SOX5: variants seen among roughly 807,000 people sequenced by gnomAD.
SOX5 encodes transcription factor SOX-5.
Under a neutral mutation model 92.0 loss-of-function variants are expected in SOX5, and 9 were observed. That is an observed-to-expected ratio of 0.10 (90% CI 0.06 to 0.17). The LOEUF (loss-of-function observed/expected upper bound fraction) is 0.17. Ranked by LOEUF, SOX5 falls within the 10% of genes least tolerant of loss-of-function variation. The pLI, the probability that SOX5 is intolerant of heterozygous loss-of-function variation, is 1.00. For synonymous variants in SOX5, 344 were observed against 336.3 expected (o/e 1.02, Z -0.25); for missense variants, 642 against 944.5 (o/e 0.68, Z 4.20).
At chr12:24,052,612 A>T (rs1017002268) in intron 4 of SOX5, among the ~76,000 whole-genome samples, 6 of 152,180 alleles carry the variant, frequency 3.9e-5, no homozygotes, top group African/African-American at 9.6e-5. Context: ...TGTCAGAATT[A>T]TTAGGATTTA....
chr12:23,580,852 T>TA (rs749108551), intron 9 of SOX5, among the ~76,000 whole-genome samples: 1 of 152,006 alleles, frequency 6.6e-6, no homozygotes, highest in Non-Finnish European at 1.5e-5. Flanking sequence ...TGCAACAGAT[T>TA]AAAAAACCAT....
intron 3 of SOX5, among the ~76,000 whole-genome samples, chr12:23,759,042 C>CACACACACACACACAT (rs1286897893): frequency 3.3e-5 from 5 of 149,340 alleles, no homozygotes; most frequent in African/African-American, 1.3e-4. Context: ...CACACACACA[C>CACACACACACACACAT]ACACACACAC....
At chr12:23,705,635 T>A (rs536246621) in intron 6 of SOX5, among the ~76,000 whole-genome samples, 1 of 152,156 alleles carries the variant, frequency 6.6e-6, no homozygotes, top group South Asian at 2.1e-4. Context: ...CTACCAGGCA[T>A]CTTTATACTT....
chr12:24,315,896 C>T (rs1027650331), intron 2 of SOX5, among the ~76,000 whole-genome samples: 16 of 152,214 alleles, frequency 1.1e-4, no homozygotes, highest in Admixed American at 1.0e-3. Context: ...AATATCTGTT[C>T]AACTAACTCA....
chr12:23,768,479 A>G (rs1473432135), intron 3 of SOX5, among the ~76,000 whole-genome samples: 4 of 152,214 alleles, frequency 2.6e-5, no homozygotes, highest in Admixed American at 1.3e-4. Flanking sequence ...GAAAGCTTCA[A>G]AAAAACTTCA....
chr12:23,544,330 A>G (rs914051176), intron 12 of SOX5, among the ~76,000 whole-genome samples: 2 of 152,228 alleles, frequency 1.3e-5, no homozygotes, highest in Non-Finnish European at 2.9e-5. Context: ...AAGAGAAAAT[A>G]AGGAGAACCA....
chr12:24,406,300 C>A (rs543438902), intron 1 of SOX5, among the ~76,000 whole-genome samples: 1 of 152,118 alleles, frequency 6.6e-6, no homozygotes, highest in Admixed American at 6.5e-5. Context: ...AAGGAGAAGC[C>A]CTGCCCAAGT....
intron 4 of SOX5, among the ~76,000 whole-genome samples, chr12:24,141,481 G>A (rs1324811216): frequency 6.6e-6 from 1 of 152,164 alleles, no homozygotes. Flanking sequence ...GTAGTATGAA[G>A]AAAGATTTGG....
chr12:24,094,284 C>G (rs1469997971), intron 4 of SOX5, among the ~76,000 whole-genome samples: 1 of 152,128 alleles, frequency 6.6e-6, no homozygotes, highest in Non-Finnish European at 1.5e-5. Context: ...TCTGTCATAG[C>G]TAAAGTTGCA....
At chr12:24,165,780 GA>G (rs1953331642) in intron 4 of SOX5, among the ~76,000 whole-genome samples, 1 of 152,066 alleles carries the variant, frequency 6.6e-6, no homozygotes, top group South Asian at 2.1e-4. Context: ...AAGGGCTGTA[GA>G]AGATCATCTT....
chr12:23,688,673 T>C (rs2139981169), intron 6 of SOX5, among the ~76,000 whole-genome samples: 1 of 152,212 alleles, frequency 6.6e-6, no homozygotes, highest in Middle Eastern at 3.4e-3. Flanking sequence ...GCCCAAGTAA[T>C]TGCTACGAAT....
chr12:23,704,783 C>G (rs1215156237), intron 6 of SOX5, among the ~76,000 whole-genome samples: 2 of 145,506 alleles, frequency 1.4e-5, no homozygotes, highest in Non-Finnish European at 3.0e-5. Context: ...TATTTCTTGT[C>G]AAAGAAAGTA....
upstream of SOX5, among the ~76,000 whole-genome samples, chr12:23,954,790 T>C (rs1595885488): frequency 2.6e-5 from 4 of 152,068 alleles, no homozygotes; most frequent in South Asian, 8.3e-4. Flanking sequence ...GATTGCATAT[T>C]TGAAGAAACA....
intron 2 of SOX5, among the ~76,000 whole-genome samples, chr12:23,889,195 ACTGG>A (rs755702747): frequency 3.9e-5 from 6 of 152,214 alleles, no homozygotes; most frequent in Non-Finnish European, 8.8e-5. Flanking sequence ...CAATAACCAC[ACTGG>A]TTTAACAACA....
chr12:24,372,951 CA>C (rs375852900), intron 1 of SOX5, among the ~76,000 whole-genome samples: 415 of 122,504 alleles, frequency 3.4e-3, no homozygotes, highest in African/African-American at 9.5e-3. Context: ...CCATCTCTAC[CA>C]AAAAAAAAAA....
intron 6 of SOX5, among the ~76,000 whole-genome samples, chr12:23,686,364 T>C (rs1422224436): frequency 6.6e-6 from 1 of 152,200 alleles, no homozygotes; most frequent in Non-Finnish European, 1.5e-5. Context: ...ATTTTTGTAT[T>C]GCATAAAAAT....
chr12:24,066,394 A>C (rs1498883), intron 4 of SOX5, among the ~76,000 whole-genome samples: 60,350 of 152,034 alleles, frequency 0.4, 12,357 homozygotes, highest in Non-Finnish European at 0.45. Context: ...GATAGCTTCC[A>C]ATGAAGATGT....
intron 3 of SOX5, among the ~76,000 whole-genome samples, chr12:23,839,517 A>C (rs374552755): frequency 6.6e-6 from 1 of 152,174 alleles, no homozygotes; most frequent in Admixed American, 6.5e-5. Context: ...TGGCAGTAGC[A>C]ACAAAAACAG....
In SOX5 at chr12:23,640,766, G is replaced by C. The variant is rs751450038; in HGVS notation, c.1017+46C>G. The C allele has an allele frequency of 5.1e-6, 7 of 1,379,760 alleles. 1 individual carries two copies. Among genetic ancestry groups the C allele is most frequent in the South Asian group, 2.3e-5 (2 of 86,114 alleles). The allele number at this position is 1,379,760 out of a possible 1,614,324, so 85.5% of individuals were successfully genotyped here. On this transcript the variant is annotated intron_variant, in intron 8 of 14. Coordinates refer to ENST00000451604, the MANE Select transcript of SOX5 (RefSeq NM_006940.6). ...CTTTAACACCATAATAGCTGTTTTC[G>C]ATATTTACTTAACCTTTGTCTCCTC...
Sources: gnomAD v4.1 joint callset for allele counts (sites outside exome capture counted in the v4.1 genomes callset) on GRCh38, gnomAD v4.1.1 for gene constraint, MANE v1.5 for transcripts, NCBI Gene and HGNC (gene_info 2026-07-23, HGNC 2026-07-21) for gene names.